Variants in DEUP1 observed in about 807,000 individuals in gnomAD.
DEUP1 encodes the protein deuterosome assembly protein 1.
Under a neutral mutation model 87.4 loss-of-function variants are expected in DEUP1, and 82 were observed. The ratio of observed to expected loss-of-function variants is 0.94; its 90% confidence interval spans 0.78 to 1.13. The LOEUF is 1.13. Among genes scored for constraint, DEUP1 ranks in the 50% most tolerant of loss-of-function variants. DEUP1 has a pLI of 0.00. For synonymous variants in DEUP1, 214 were observed against 222.7 expected (o/e 0.96, Z 0.35); for missense variants, 663 against 681.5 (o/e 0.97, Z 0.30).
intron 11 of DEUP1, among the ~76,000 whole-genome samples, chr11:93,399,875 AGTGCTTGCTG>A (rs1489994682): frequency 6.6e-6 from 1 of 151,952 alleles, no homozygotes; most frequent in Non-Finnish European, 1.5e-5. Context: ...AAATAATTAT[AGTGCTTGCTG>A]GAAAGTTTTC....
chr11:93,390,180 T>C (rs1455863445), intron 9 of DEUP1, among the ~76,000 whole-genome samples: 2 of 152,252 alleles, frequency 1.3e-5, no homozygotes, highest in African/African-American at 4.8e-5. Context: ...TATCAATTAG[T>C]GCACTGCATA....
intron 9 of DEUP1, among the ~76,000 whole-genome samples, chr11:93,392,971 C>T (rs72972371): frequency 0.25 from 37,463 of 149,492 alleles, 5,048 homozygotes; most frequent in Middle Eastern, 0.38. Flanking sequence ...CCTCCTCTTC[C>T]TCCTCCTCCG....
intron 7 of DEUP1, among the ~76,000 whole-genome samples, chr11:93,371,836 T>G (rs1415267770): frequency 6.6e-6 from 1 of 152,226 alleles, no homozygotes; most frequent in African/African-American, 2.4e-5. Context: ...GAATAATGTT[T>G]TTTTCTTTTT....
chr11:93,429,822 C>G (rs1380143661), intron 13 of DEUP1, among the ~76,000 whole-genome samples: 1 of 152,116 alleles, frequency 6.6e-6, no homozygotes, highest in Admixed American at 6.6e-5. Flanking sequence ...CTACATTACT[C>G]TTTTAAGGAA....
chr11:93,391,061 G>A (rs1278837646), intron 9 of DEUP1, among the ~76,000 whole-genome samples: 4 of 143,954 alleles, frequency 2.8e-5, no homozygotes, highest in African/African-American at 1.0e-4. Context: ...CAGCCTGGGC[G>A]ACAGAGCAAG....
At chr11:93,333,738 G>A (rs1943604281) in intron 2 of DEUP1, among the ~76,000 whole-genome samples, 1 of 152,206 alleles carries the variant, frequency 6.6e-6, no homozygotes, top group Non-Finnish European at 1.5e-5. Context: ...GAGAAAGTAG[G>A]ATTTGAATTC....
At chr11:93,427,320 G>A (rs1476302243) in intron 13 of DEUP1, among the ~76,000 whole-genome samples, 8 of 151,630 alleles carry the variant, frequency 5.3e-5, no homozygotes, top group South Asian at 2.1e-4. Context: ...AAATAATGCC[G>A]CATATCTACA....
chr11:93,431,902 G>C (rs1043394423), intron 13 of DEUP1, among the ~76,000 whole-genome samples: 34 of 152,166 alleles, frequency 2.2e-4, no homozygotes, highest in African/African-American at 8.2e-4. Context: ...GGAAGAAATA[G>C]GGTTAGAGGA....
rs147421219 is a variant in DEUP1 at position 93,413,900 on chromosome 11, C to T, written c.1524-1100C>T. ...GTAAATAATTAGACGAATAATTGAA[C>T]TTTTAAATCTTAGTCTCCTCATCTG... On this transcript the variant is annotated intron_variant, in intron 12 of 13. Coordinates refer to ENST00000298050, the MANE Select transcript of DEUP1 (RefSeq NM_181645.4). Among the ~76,000 whole-genome samples, 42 of 152,214 alleles carry T rather than the reference C, an allele frequency of 2.8e-4. No individual in the cohort carries two copies. In the East Asian group the frequency reaches 7.7e-3, roughly 28 times the overall value.
intron 2 of DEUP1, among the ~76,000 whole-genome samples, chr11:93,353,014 T>C (rs1043236854): frequency 7.2e-5 from 11 of 152,264 alleles, no homozygotes; most frequent in African/African-American, 2.4e-4. Flanking sequence ...CCCAAAGTTT[T>C]AACTCATTAC....
At position 93,408,318 on chromosome 11, in the gene DEUP1, G is replaced by A; in HGVS notation, c.1414G>A (p.Ala472Thr). 1 of 1,578,896 alleles carries A rather than the reference G, an allele frequency of 6.3e-7. No individual in the cohort carries two copies. The highest frequency in any genetic ancestry group is 1.2e-5 in the South Asian group (1 of 85,988). The change falls in exon 12 of 14, where the codon GCA becomes ACA. Residue 472 changes from alanine to threonine, a missense_variant. By Grantham distance (58) the Ala-to-Thr change is moderately conservative. Coordinates refer to ENST00000298050, the MANE Select transcript of DEUP1 (RefSeq NM_181645.4). ...YENERLRNDLAKLHVNGKSTW... is the reference protein window; with the variant it reads ...YENERLRNDLTKLHVNGKSTW... Reference sequence around the variant, plus strand: ...GAATGAAAGGCTCCGAAATGATCTTGCAAAACTTCATGTCAATGGAAAATC... The same window carrying A: ...GAATGAAAGGCTCCGAAATGATCTTACAAAACTTCATGTCAATGGAAAATC...
Position 93,371,066 on chromosome 11 carries a change from TA to T in DEUP1, c.578del (p.Asn193MetfsTer7). ...QKQAQSYQTQ[L>X]NGKKQCLEDS... ...CAGGCACAAAGTTACCAAACTCAAC[TA>T]AATGGTAAAAAACAGTGCTTAGAAG... is the stretch of plus-strand genomic sequence containing the variant. On this transcript the variant is annotated frameshift_variant, in exon 7 of 14. Transcript: ENST00000298050. LOFTEE classifies it high-confidence loss of function. 1 of 1,611,758 alleles carries T rather than the reference TA, an allele frequency of 6.2e-7. No individual in the cohort carries two copies. Among genetic ancestry groups the T allele is most frequent in the Non-Finnish European group, 8.5e-7 (1 of 1,178,664 alleles).
chr11:93,375,255 C>CT (rs910138635), intron 7 of DEUP1, among the ~76,000 whole-genome samples: 64 of 152,166 alleles, frequency 4.2e-4, no homozygotes, highest in African/African-American at 1.5e-3. Context: ...AGTTTGACTT[C>CT]TTTTTTACTG....
intron 2 of DEUP1, among the ~76,000 whole-genome samples, chr11:93,347,323 T>C (rs1454438200): frequency 6.6e-6 from 1 of 152,230 alleles, no homozygotes; most frequent in Non-Finnish European, 1.5e-5. Flanking sequence ...TCACATTTAT[T>C]GACTTGCATT....
At chr11:93,344,949 A>G (rs1024859704) in intron 2 of DEUP1, among the ~76,000 whole-genome samples, 1 of 150,854 alleles carries the variant, frequency 6.6e-6, no homozygotes, top group South Asian at 2.1e-4. Context: ...AGATTATTTC[A>G]TCATCCACAT....
intron 8 of DEUP1, among the ~76,000 whole-genome samples, chr11:93,386,463 T>C (rs1946564651): frequency 1.3e-5 from 2 of 152,186 alleles, no homozygotes; most frequent in African/African-American, 4.8e-5. Flanking sequence ...TTTCTCAAAA[T>C]CAGAAAGCTA....
intron 13 of DEUP1, among the ~76,000 whole-genome samples, chr11:93,419,442 T>G (rs1947788440): frequency 6.6e-6 from 1 of 152,238 alleles, no homozygotes; most frequent in Admixed American, 6.5e-5. Context: ...CAGGAGGCAG[T>G]CATGGGGCTA....
At chr11:93,416,911 G>A (rs1221252518) in intron 13 of DEUP1, among the ~76,000 whole-genome samples, 3 of 152,018 alleles carry the variant, frequency 2.0e-5, no homozygotes, top group South Asian at 2.1e-4. Context: ...GCATACAAAT[G>A]GGACCAAAGA....
At chr11:93,345,730 T>A (rs3020081) in intron 2 of DEUP1, among the ~76,000 whole-genome samples, 17,426 of 152,220 alleles carry the variant, frequency 0.11, 1,562 homozygotes, top group East Asian at 0.35. Context: ...TAAATTTAAG[T>A]TCCTTATAGA....
Sources: allele counts gnomAD v4.1 joint callset (sites outside exome capture counted in the v4.1 genomes callset), GRCh38; gene constraint gnomAD v4.1.1; transcripts MANE v1.5; gene names NCBI Gene and HGNC (gene_info 2026-07-23, HGNC 2026-07-21).